DMD: variants seen among roughly 807,000 people sequenced by gnomAD.
DMD encodes the protein dystrophin.
In DMD, 63 loss-of-function variants were observed where a neutral mutation model predicts 330.1. The ratio of observed to expected loss-of-function variants is 0.19; its 90% CI spans 0.16 to 0.24. DMD has a LOEUF of 0.24. DMD is among the 10% of genes least tolerant of loss of function. DMD has a pLI of 1.00. For missense variants in DMD, 3,344 were observed against 2,684.1 expected (o/e 1.25, Z -5.43); for synonymous variants, 1,223 against 959.8 (o/e 1.27, Z -5.07).
intron 2 of DMD, among the ~76,000 whole-genome samples, chrX:32,902,583 A>G (rs779635563): frequency 9.0e-6 from 1 of 110,640 alleles, no homozygotes; most frequent in Non-Finnish European, 1.9e-5. Flanking sequence ...ATTCAGTTCA[A>G]TATAACTCAT....
chrX:32,739,130 C>T (rs779721135), intron 7 of DMD, among the ~76,000 whole-genome samples: 1 of 111,702 alleles, frequency 9.0e-6, no homozygotes, highest in Admixed American at 9.5e-5. Flanking sequence ...ATACAATTCT[C>T]ACTTTCATTT....
In DMD at chrX:32,864,030, A is replaced by G. The variant is rs183929333; in HGVS notation, c.94-14210T>C. 9.7e-5 allele frequency among the ~76,000 whole-genome samples: 11 copies of G among 112,871 alleles called. No individual in the cohort carries two copies. In the East Asian group the frequency reaches 3.1e-3, roughly 31 times the overall value. On this transcript the variant is annotated intron_variant, in intron 2 of 78. Transcript: ENST00000357033. ...AAGTCACAGAGGATAAAATATTTAA[A>G]GGAGAACGTCTGTCACTGCTATGCT...
intron 45 of DMD, among the ~76,000 whole-genome samples, chrX:31,952,101 A>AT (rs2095188935): frequency 9.0e-6 from 1 of 110,646 alleles, no homozygotes. Context: ...ATGAGGAGTC[A>AT]TTTTTTTCTG....
intron 2 of DMD, among the ~76,000 whole-genome samples, chrX:32,870,350 T>C (rs1201955529): frequency 8.9e-6 from 1 of 111,760 alleles, no homozygotes; most frequent in East Asian, 2.8e-4. Flanking sequence ...AAAATGGCCA[T>C]ACTGTATAAT....
intron 52 of DMD, among the ~76,000 whole-genome samples, chrX:31,709,555 G>A (rs1374779450): frequency 1.1e-5 from 1 of 89,772 alleles, no homozygotes; most frequent in African/African-American, 4.3e-5. Flanking sequence ...TTATTGTACA[G>A]CTCTCTCTCT....
At chrX:32,947,761 A>G (rs982939802) in intron 2 of DMD, among the ~76,000 whole-genome samples, 3 of 111,354 alleles carry the variant, frequency 2.7e-5, no homozygotes, top group Non-Finnish European at 5.7e-5. Context: ...AACTCTAACA[A>G]TGAAACATTT....
At chrX:31,335,682 A>C (rs1436746496) in intron 61 of DMD, among the ~76,000 whole-genome samples, 3 of 112,047 alleles carry the variant, frequency 2.7e-5, no homozygotes, top group African/African-American at 9.7e-5. Context: ...AAAATAATCA[A>C]CCTCATTATG....
chrX:32,744,097 G>C (rs1252043165), intron 7 of DMD, among the ~76,000 whole-genome samples: 1 of 110,584 alleles, frequency 9.0e-6, no homozygotes, highest in Non-Finnish European at 1.9e-5. Flanking sequence ...TCACCAGCTA[G>C]TAAGCACACT....
Position 32,342,105 on chromosome X carries a change from G to C in DMD, c.5917C>G (p.Gln1973Glu), listed in dbSNP as rs863225005. 1 of 1,207,623 alleles carries C rather than the reference G, an allele frequency of 8.3e-7. No individual in the cohort carries two copies. Among genetic ancestry groups the C allele is most frequent in the Non-Finnish European group, 1.1e-6 (1 of 892,708 alleles). ...GTTTGCCAGTAACAACTCACAATTTGTGCAAAGTTGAGTCTTCGAAACTGA... is the reference window on the plus strand; with the variant it reads ...GTTTGCCAGTAACAACTCACAATTTCTGCAAAGTTGAGTCTTCGAAACTGA... ...FAQFRRLNFA[Q>E]IHTVREETMM... Residue 1973 changes from glutamine (Q) to glutamate (E), a missense_variant, in exon 41 of 79, where the codon CAA (glutamine) becomes GAA (glutamate). By Grantham distance (29) the Gln-to-Glu change is conservative. Coordinates refer to ENST00000357033, the MANE Select transcript of DMD (RefSeq NM_004006.3).
chrX:32,722,718 G>T (rs956777836), intron 7 of DMD, among the ~76,000 whole-genome samples: 2 of 110,512 alleles, frequency 1.8e-5, no homozygotes, highest in East Asian at 2.8e-4. Context: ...ATCATAAATA[G>T]AATTTTTTAA....
intron 62 of DMD, among the ~76,000 whole-genome samples, chrX:31,311,045 T>C (rs952170526): frequency 8.9e-6 from 1 of 111,923 alleles, no homozygotes; most frequent in Non-Finnish European, 1.9e-5. Flanking sequence ...TCTGCAATAA[T>C]GAATATCATT....
intron 30 of DMD, among the ~76,000 whole-genome samples, chrX:32,409,478 T>G: frequency 9.0e-6 from 1 of 111,712 alleles, no homozygotes; most frequent in Admixed American, 9.6e-5. Context: ...GTAATGTTTA[T>G]AAAATCCTGA....
At chrX:31,355,739 A>G (rs1340122259) in intron 60 of DMD, among the ~76,000 whole-genome samples, 2 of 111,109 alleles carry the variant, frequency 1.8e-5, no homozygotes, top group Admixed American at 1.9e-4. Context: ...GTGCCCAAAC[A>G]TTATCCGGGA....
At chrX:31,402,320 T>TA (rs968970201) in intron 60 of DMD, among the ~76,000 whole-genome samples, 4 of 112,071 alleles carry the variant, frequency 3.6e-5, no homozygotes, top group African/African-American at 1.3e-4. Context: ...AAGGTCACTC[T>TA]AAGGTCTGAG....
intron 16 of DMD, among the ~76,000 whole-genome samples, chrX:32,564,705 T>C (rs2051475978): frequency 1.8e-5 from 2 of 111,967 alleles, no homozygotes. Flanking sequence ...TTGAAAATCA[T>C]ATAGGCTGGT....
intron 47 of DMD, among the ~76,000 whole-genome samples, chrX:31,900,635 C>T (rs148486584): frequency 0.01 from 1,124 of 111,434 alleles, 19 homozygotes; most frequent in African/African-American, 0.035. Context: ...GCTGAAAAGA[C>T]ACCCGAAAAT....
chrX:32,918,867 G>A (rs1266572833), intron 2 of DMD, among the ~76,000 whole-genome samples: 1 of 111,713 alleles, frequency 9.0e-6, no homozygotes, highest in African/African-American at 3.3e-5. Flanking sequence ...CTATTGTACA[G>A]GTTCTTACAG....
chrX:32,088,823 A>G (rs186654885), intron 44 of DMD, among the ~76,000 whole-genome samples: 55 of 110,975 alleles, frequency 5.0e-4, no homozygotes, highest in African/African-American at 1.4e-3. Context: ...AATGACACAT[A>G]TAAATAAACC....
chrX:32,083,138 A>T (rs1437157007), intron 44 of DMD, among the ~76,000 whole-genome samples: 2 of 112,312 alleles, frequency 1.8e-5, no homozygotes, highest in African/African-American at 6.5e-5. Flanking sequence ...TTTTTAAATA[A>T]CATTTCAAGA....
Sources: gnomAD v4.1 joint callset for allele counts (sites outside exome capture counted in the v4.1 genomes callset) on GRCh38, gnomAD v4.1.1 for gene constraint, MANE v1.5 for transcripts, NCBI Gene and HGNC (gene_info 2026-07-23, HGNC 2026-07-21) for gene names.